ADAM11: variants seen among roughly 807,000 people sequenced by gnomAD.
The protein encoded by ADAM11 is disintegrin and metalloproteinase domain-containing protein 11.
Under a neutral mutation model 119.1 loss-of-function variants are expected in ADAM11, and 49 were observed. The observed-to-expected ratio is 0.41, with a 90% CI of 0.33 to 0.52. The LOEUF is 0.52. ADAM11 is among the 20% of genes least tolerant of loss of function. ADAM11 has a pLI of 0.20. For missense variants in ADAM11, 777 were observed against 1,047.5 expected (o/e 0.74, Z 3.56); for synonymous variants, 364 against 408.0 (o/e 0.89, Z 1.30).
chr17:44,762,776 G>A (rs1299936622), intron 2 of ADAM11, among the ~76,000 whole-genome samples: 1 of 152,112 alleles, frequency 6.6e-6, no homozygotes, highest in Non-Finnish European at 1.5e-5. Flanking sequence ...TACGTGCTGA[G>A]GATTCCTGGC....
intron 2 of ADAM11, among the ~76,000 whole-genome samples, chr17:44,766,226 G>A (rs1383297783): frequency 6.6e-6 from 1 of 152,180 alleles, no homozygotes; most frequent in African/African-American, 2.4e-5. Context: ...GGAGTTCCGG[G>A]TCAGCGTGTG....
chr17:44,776,063 G>A lies in ADAM11; in HGVS notation c.1486-64G>A, dbSNP rs934488769. ...GATGTGGGGGTCCAGAGAGCGAGGGGCCTGGGGAGGGCAGGGCCGAGGCAT... is the reference window on the plus strand; with the variant it reads ...GATGTGGGGGTCCAGAGAGCGAGGGACCTGGGGAGGGCAGGGCCGAGGCAT... On this transcript the variant is annotated intron_variant, in intron 17 of 26. Transcript: ENST00000200557. The surrounding 1 kb of genome is among the most constrained non-coding windows in gnomAD (Gnocchi z 5.2). 4.4e-6 allele frequency: 7 copies of A among 1,583,934 alleles called. No homozygotes were observed. The highest frequency in any genetic ancestry group is 2.2e-5 in the South Asian group (2 of 89,974).
Position 44,772,175 on chromosome 17 carries a change from G to T in ADAM11, c.544-92G>T, listed in dbSNP as rs548956119. On this transcript the variant is annotated intron_variant, in intron 6 of 26. Transcript: ENST00000200557. This position sits in a 1 kb window ranked among gnomAD's most constrained non-coding sequence, Gnocchi z 4.5. ...GGCCAGTTCTGGGTCACCCCAGGGT[G>T]GGGTGGAGGCGAGGGCTGGATCTGG... 1 of 1,232,506 alleles carries T rather than the reference G, an allele frequency of 8.1e-7. No individual in the cohort carries two copies. Among genetic ancestry groups the T allele is most frequent in the African/African-American group, 1.5e-5 (1 of 66,702 alleles). The allele number at this position is 1,232,506 out of a possible 1,614,324, so 76.3% of individuals were successfully genotyped here. A position where few individuals can be genotyped will look rare whatever the true frequency, so the allele number is the denominator to read the frequency against.
chr17:44,759,779 G>A lies in ADAM11; in HGVS notation c.119G>A (p.Gly40Glu). Residue 40 changes from glycine (G) to glutamate (E), a missense_variant, in exon 2 of 27, where the codon GGA becomes GAA. By Grantham distance (98) the Gly-to-Glu change is moderately conservative (BLOSUM62 -2). Coordinates refer to ENST00000200557, the MANE Select transcript of ADAM11 (RefSeq NM_002390.6). Reference sequence around the variant, plus strand: ...CGATGGGGGGGCTTACCCCAGCTGGGAGGCCCAGGAGCCCCTGAGGTCACG... The same window carrying A: ...CGATGGGGGGGCTTACCCCAGCTGGAAGGCCCAGGAGCCCCTGAGGTCACG... ...ALRWGGLPQL[G>E]GPGAPEVTEP... is the part of the protein sequence containing the mutation. The A allele has an allele frequency of 7.5e-7, 1 of 1,324,798 alleles. No homozygotes were observed. The highest frequency in any genetic ancestry group is 9.7e-7 in the Non-Finnish European group (1 of 1,029,720). 82.1% of individuals were successfully genotyped at this position (1,324,798 alleles called of 1,614,324 possible).
At chr17:44,769,438 G>A (rs1212482859) in intron 2 of ADAM11, among the ~76,000 whole-genome samples, 1 of 152,224 alleles carries the variant, frequency 6.6e-6, no homozygotes. Context: ...AGCTGCACCT[G>A]CAGCCCAGCC....
At position 44,781,065 on chromosome 17, in the gene ADAM11, G is replaced by T. The variant is rs1167518268; in HGVS notation, c.*1311G>T. On this transcript the variant is annotated 3_prime_UTR_variant, in exon 27 of 27. Transcript: ENST00000200557. Reference sequence around the variant, plus strand: ...TGACCCTAAAAGGTAGCTGGCAGGGGCAAGATGGGGGCCAGCTACCTAATG... The same window carrying T: ...TGACCCTAAAAGGTAGCTGGCAGGGTCAAGATGGGGGCCAGCTACCTAATG... 1 of 152,300 alleles carries T rather than the reference G, an allele frequency of 6.6e-6. No homozygotes were observed. The highest frequency in any genetic ancestry group is 1.9e-4 in the East Asian group (1 of 5,172). The allele number at this position is 152,300 out of a possible 1,614,324, so 9.4% of individuals were successfully genotyped here.
At position 44,779,943 on chromosome 17, in the gene ADAM11, C is replaced by T; in HGVS notation, c.*189C>T. Reference sequence around the variant, plus strand: ...CTTGGCACCACCAGGGTGGACCAGGCCTGGAGGGCACTTCCTCCACAGTCC... The same window carrying T: ...CTTGGCACCACCAGGGTGGACCAGGTCTGGAGGGCACTTCCTCCACAGTCC... On this transcript the variant is annotated 3_prime_UTR_variant, in exon 27 of 27. Coordinates refer to ENST00000200557, the MANE Select transcript of ADAM11 (RefSeq NM_002390.6). 1.2e-6 allele frequency: 1 copy of T among 834,562 alleles called. No individual in the cohort carries two copies. The highest frequency in any genetic ancestry group is 2.0e-6 in the Non-Finnish European group (1 of 505,784). 51.7% of individuals were successfully genotyped at this position (834,562 alleles called of 1,614,324 possible). A position where few individuals can be genotyped will look rare whatever the true frequency, so the allele number is the denominator to read the frequency against.
In ADAM11 at chr17:44,777,249, G is replaced by T; in HGVS notation, c.1765G>T (p.Val589Phe). 6.2e-7 allele frequency: 1 copy of T among 1,605,846 alleles called. No individual in the cohort carries two copies. The change falls in exon 21 of 27, where the codon GTC (valine) becomes TTC (phenylalanine). Residue 589 changes from valine to phenylalanine, a missense_variant. By Grantham distance (50) the Val-to-Phe change is conservative. Transcript: ENST00000200557. This position sits in a 1 kb window ranked among gnomAD's most constrained non-coding sequence, Gnocchi z 5.1. Reference sequence around the variant, plus strand: ...CTGTGGGCGCAAGGGATCTGGCTGGGTCCAGTGCAGTAAGCAGTGAGTACT... The same window carrying T: ...CTGTGGGCGCAAGGGATCTGGCTGGTTCCAGTGCAGTAAGCAGTGAGTACT... The part of the protein sequence containing the change: ...GSCGRKGSGW[V>F]QCSKQDVLCG...
intron 2 of ADAM11, among the ~76,000 whole-genome samples, chr17:44,767,598 A>G (rs1291087839): frequency 6.6e-6 from 1 of 151,850 alleles, no homozygotes; most frequent in Admixed American, 6.6e-5. Context: ...TCTTTCTCCT[A>G]CCGCCTTTGG....
rs766357571 is a variant in ADAM11 at position 44,775,247 on chromosome 17, T to A, written c.1256T>A (p.Ile419Asn). The change falls in exon 15 of 27, where the codon ATC becomes AAC. Residue 419 changes from isoleucine (I) to asparagine (N), a missense_variant. Around this residue, in one of 4 missense-constraint regions of ADAM11, gnomAD observed 348 missense variants for 486.7 expected, o/e 0.72. Transcript: ENST00000200557. This position sits in a 1 kb window ranked among gnomAD's most constrained non-coding sequence, Gnocchi z 7.5. Reference sequence around the variant, plus strand: ...CCCCGCAAGTTCTCGCGCTGTAGCATCGACGAGTACAACCAGTTTCTGCAG... The same window carrying A: ...CCCCGCAAGTTCTCGCGCTGTAGCAACGACGAGTACAACCAGTTTCTGCAG... ...YLPRKFSRCS[I>N]DEYNQFLQEG... 1.6e-5 allele frequency: 26 copies of A among 1,613,870 alleles called. No individual in the cohort carries two copies. Among genetic ancestry groups the A allele is most frequent in the Non-Finnish European group, 2.1e-5 (25 of 1,179,986 alleles).
chr17:44,781,698 G>A lies in ADAM11; in HGVS notation c.*1944G>A, dbSNP rs1045647060. ...CCCCGCCCTGGCGAGTGCCTACCCT[G>A]GCAGAACCCAGGGAGGAGTGGAGGC... On this transcript the variant is annotated 3_prime_UTR_variant, in exon 27 of 27. Transcript: ENST00000200557. 6.6e-6 allele frequency: 1 copy of A among 152,458 alleles called. No individual in the cohort carries two copies. The highest frequency in any genetic ancestry group is 2.4e-5 in the African/African-American group (1 of 41,466). The allele number at this position is 152,458 out of a possible 1,614,324, so 9.4% of individuals were successfully genotyped here. A position where few individuals can be genotyped will look rare whatever the true frequency, so the allele number is the denominator to read the frequency against.
chr17:44,779,953 A>T lies in ADAM11; in HGVS notation c.*199A>T. 1 of 776,736 alleles carries T rather than the reference A, an allele frequency of 1.3e-6. No homozygotes were observed. The highest frequency in any genetic ancestry group is 1.5e-5 in the South Asian group (1 of 68,572). The allele number at this position is 776,736 out of a possible 1,614,324, so 48.1% of individuals were successfully genotyped here. A position where few individuals can be genotyped will look rare whatever the true frequency, so the allele number is the denominator to read the frequency against. ...CCAGGGTGGACCAGGCCTGGAGGGC[A>T]CTTCCTCCACAGTCCCCCACCCACC... On this transcript the variant is annotated 3_prime_UTR_variant, in exon 27 of 27. Transcript: ENST00000200557.
rs775311663 is a variant in ADAM11 at position 44,780,222 on chromosome 17, C to A, written c.*468C>A. The A allele has an allele frequency of 3.6e-5, 16 of 448,370 alleles. No homozygotes were observed. Among genetic ancestry groups the A allele is most frequent in the Non-Finnish European group, 5.7e-5 (13 of 228,524 alleles). 27.8% of individuals were successfully genotyped at this position (448,370 alleles called of 1,614,324 possible). A position where few individuals can be genotyped will look rare whatever the true frequency, so the allele number is the denominator to read the frequency against. ...CTGAATCTTAATCGATGAATGTAAACTCGGGGGTGCTGGGGCCAGGGCAGA... is the reference window on the plus strand; with the variant it reads ...CTGAATCTTAATCGATGAATGTAAAATCGGGGGTGCTGGGGCCAGGGCAGA... On this transcript the variant is annotated 3_prime_UTR_variant, in exon 27 of 27. Coordinates refer to ENST00000200557, the MANE Select transcript of ADAM11 (RefSeq NM_002390.6).
intron 2 of ADAM11, among the ~76,000 whole-genome samples, chr17:44,767,542 C>G (rs1417681328): frequency 6.6e-6 from 1 of 152,058 alleles, no homozygotes; most frequent in African/African-American, 2.4e-5. Flanking sequence ...GTTGTGTCCC[C>G]GCATGGGGCC....
chr17:44,765,359 G>A (rs2049435032), intron 2 of ADAM11, among the ~76,000 whole-genome samples: 1 of 152,098 alleles, frequency 6.6e-6, no homozygotes, highest in Admixed American at 6.5e-5. Context: ...CCAGAAAGAT[G>A]TCCTCAGGTG....
chr17:44,774,827 C>T, intron 14 of ADAM11, 78 bp downstream of exon 14: 1 of 1,531,642 alleles, frequency 6.5e-7, no homozygotes, highest in Non-Finnish European at 8.8e-7. Context: ...GCAGTCTGGA[C>T]CAGGGGGCTC....
rs373446189 is a variant in ADAM11, at chr17:44,771,631, G to T, written c.429G>T (p.Pro143=). Residue 143 remains proline (P), a synonymous_variant, in exon 5 of 27, where the codon CCG becomes CCT. Coordinates refer to ENST00000200557, the MANE Select transcript of ADAM11 (RefSeq NM_002390.6). ...ACCAGGGGAAGCTCCGGGGGAACCC[G>T]CACTCCTTCGCCGCCCTCTCCACCT... ...CYYQGKLRGN[P]HSFAALSTCQ... 23 of 1,611,260 alleles carry T rather than the reference G, an allele frequency of 1.4e-5. No individual in the cohort carries two copies. The highest frequency in any genetic ancestry group is 1.7e-5 in the Non-Finnish European group (20 of 1,179,334).
chr17:44,773,119 C>T lies in ADAM11; in HGVS notation c.825+34C>T. Reference sequence around the variant, plus strand: ...CTCTCCCTCCCTCCCTTCCCTCCTCCTCATGCCCCCCACCCCACCACACAC... The same window carrying T: ...CTCTCCCTCCCTCCCTTCCCTCCTCTTCATGCCCCCCACCCCACCACACAC... On this transcript the variant is annotated intron_variant, in intron 10 of 26. Coordinates refer to ENST00000200557, the MANE Select transcript of ADAM11 (RefSeq NM_002390.6). The surrounding 1 kb of genome is among the most constrained non-coding windows in gnomAD (Gnocchi z 4.6). 6.2e-7 allele frequency: 1 copy of T among 1,606,480 alleles called. No homozygotes were observed. Among genetic ancestry groups the T allele is most frequent in the Non-Finnish European group, 8.5e-7 (1 of 1,173,818 alleles).
Position 44,759,214 on chromosome 17 carries a change from G to A in ADAM11, c.15G>A (p.Arg5=), listed in dbSNP as rs1344169119. The A allele has an allele frequency of 2.8e-6, 4 of 1,437,742 alleles. No individual in the cohort carries two copies. Among genetic ancestry groups the A allele is most frequent in the South Asian group, 1.4e-5 (1 of 73,194 alleles). The allele number at this position is 1,437,742 out of a possible 1,614,324, so 89.1% of individuals were successfully genotyped here. A position where few individuals can be genotyped will look rare whatever the true frequency, so the allele number is the denominator to read the frequency against. MRLL[R]RWAFAALLLS... ...ATGAGCGAGCCATGAGGCTGCTGCG[G>A]CGCTGGGCGTTCGCGGCTCTGCTGC... is the stretch of plus-strand genomic sequence containing the variant. Residue 5 remains arginine (R), a synonymous_variant, in exon 1 of 27, where the codon CGG becomes CGA. Transcript: ENST00000200557.
Sources: allele counts gnomAD v4.1 joint callset (sites outside exome capture counted in the v4.1 genomes callset), GRCh38; gene constraint gnomAD v4.1.1; regional missense constraint gnomAD v4.1.1; non-coding constraint Gnocchi (gnomAD v3.1); transcripts MANE v1.5; gene names NCBI Gene and HGNC (gene_info 2026-07-23, HGNC 2026-07-21).